Variants in TFDP2 observed in about 807,000 individuals in gnomAD.
The protein encoded by TFDP2 is transcription factor Dp-2, also known as transcription factor Dp-2 (E2F dimerization partner 2).
Under a neutral mutation model 59.3 loss-of-function variants are expected in TFDP2, and 17 were observed. That is an observed-to-expected ratio of 0.29 (90% confidence interval 0.20 to 0.43). The LOEUF is 0.43. Among genes scored for constraint, TFDP2 ranks in the 20% least tolerant of loss-of-function variants. The pLI is 1.00. For missense variants in TFDP2, 391 were observed against 528.8 expected, an observed-to-expected ratio of 0.74 and a Z score of 2.56; for synonymous variants, 180 against 194.7, an observed-to-expected ratio of 0.92 and a Z score of 0.63.
intron 7 of TFDP2, among the ~76,000 whole-genome samples, chr3:141,975,377 G>T (rs1940471659): frequency 6.6e-6 from 1 of 152,038 alleles, no homozygotes; most frequent in Non-Finnish European, 1.5e-5. Context: ...TTAAGTTATA[G>T]AACTGAATGT....
chr3:141,975,781 G>A (rs1434949761), intron 7 of TFDP2, among the ~76,000 whole-genome samples: 1 of 152,008 alleles, frequency 6.6e-6, no homozygotes, highest in African/African-American at 2.4e-5. Flanking sequence ...TGATAGGTAT[G>A]CCAATTTCCT....
At chr3:142,051,214 C>T (rs961471049) in intron 3 of TFDP2, among the ~76,000 whole-genome samples, 1 of 152,136 alleles carries the variant, frequency 6.6e-6, no homozygotes, top group African/African-American at 2.4e-5. Flanking sequence ...CAGGGGCAAC[C>T]TTCCTGCCTA....
chr3:142,049,877 A>G (rs1947522917), intron 3 of TFDP2, among the ~76,000 whole-genome samples: 1 of 152,212 alleles, frequency 6.6e-6, no homozygotes, highest in South Asian at 2.1e-4. Context: ...TTAGGGATAA[A>G]TCTAACAAAA....
At chr3:142,067,231 C>T (rs1705619) in intron 3 of TFDP2, among the ~76,000 whole-genome samples, 135,413 of 152,084 alleles carry the variant, frequency 0.89, 60,545 homozygotes, top group African/African-American at 0.97. Flanking sequence ...ATACCTCTTA[C>T]AATCAAAAAC....
intron 3 of TFDP2, among the ~76,000 whole-genome samples, chr3:142,054,510 TA>T (rs1394381874): frequency 7.9e-5 from 12 of 152,208 alleles, no homozygotes; most frequent in Non-Finnish European, 1.5e-5. Flanking sequence ...CAGTTCTCCT[TA>T]AATCAACTAT....
intron 9 of TFDP2, among the ~76,000 whole-genome samples, chr3:141,964,241 C>T (rs1309620836): frequency 6.6e-6 from 1 of 152,066 alleles, no homozygotes; most frequent in African/African-American, 2.4e-5. Context: ...AAGGGTGATA[C>T]CATTTATCTA....
At chr3:142,007,665 G>A (rs986543528) in intron 3 of TFDP2, among the ~76,000 whole-genome samples, 10 of 152,072 alleles carry the variant, frequency 6.6e-5, no homozygotes, top group African/African-American at 2.4e-4. Flanking sequence ...GGGAGCCTTG[G>A]GCTTGTTTTC....
chr3:142,018,321 GA>G (rs1341434333), intron 3 of TFDP2, among the ~76,000 whole-genome samples: 3 of 152,054 alleles, frequency 2.0e-5, no homozygotes, highest in African/African-American at 7.2e-5. Flanking sequence ...CTGAGTAATG[GA>G]AAAGTTTTAG....
chr3:142,085,462 T>C (rs566841832), intron 3 of TFDP2, among the ~76,000 whole-genome samples: 158 of 152,240 alleles, frequency 1.0e-3, no homozygotes, highest in African/African-American at 3.7e-3. Flanking sequence ...GAAATAAATA[T>C]GATTATAACC....
At chr3:141,968,446 T>C (rs113188200) in intron 9 of TFDP2, among the ~76,000 whole-genome samples, 1 of 115,444 alleles carries the variant, frequency 8.7e-6, no homozygotes, top group South Asian at 2.4e-4. Context: ...ATATATAACA[T>C]ATATATCTCA....
chr3:141,983,551 T>A (rs1291053763), intron 6 of TFDP2, among the ~76,000 whole-genome samples: 2 of 149,108 alleles, frequency 1.3e-5, no homozygotes, highest in Admixed American at 1.4e-4. Context: ...GGCATGAGAA[T>A]CACTTGAACC....
intron 4 of TFDP2, 124 bp downstream of exon 4, chr3:142,005,317 G>A (rs961881401): frequency 4.3e-5 from 31 of 714,426 alleles, no homozygotes; most frequent in Non-Finnish European, 6.9e-5. Context: ...GGGATTACAG[G>A]AGTGAGCCAC....
At chr3:142,079,879 A>G (rs1015443253) in intron 3 of TFDP2, among the ~76,000 whole-genome samples, 1 of 152,264 alleles carries the variant, frequency 6.6e-6, no homozygotes, top group African/African-American at 2.4e-5. Context: ...GACCTGTTCT[A>G]CAAGAAATTC....
At chr3:142,114,485 C>T (rs1014876766) in intron 1 of TFDP2, among the ~76,000 whole-genome samples, 21 of 152,110 alleles carry the variant, frequency 1.4e-4, no homozygotes, top group Admixed American at 1.1e-3. Flanking sequence ...ATACGCTCCT[C>T]ATCCACTTTA....
chr3:141,990,983 A>G (rs183321505), intron 6 of TFDP2, among the ~76,000 whole-genome samples: 6 of 151,738 alleles, frequency 4.0e-5, no homozygotes, highest in Non-Finnish European at 8.8e-5. Context: ...ACTTGAGCCC[A>G]GGAAGCGTAA....
At chr3:142,044,713 G>C (rs1947240896) in intron 3 of TFDP2, among the ~76,000 whole-genome samples, 1 of 152,110 alleles carries the variant, frequency 6.6e-6, no homozygotes, top group African/African-American at 2.4e-5. Context: ...AGAGTACAAA[G>C]GATGATCCAA....
chr3:142,119,597 C>G (rs765177426), intron 1 of TFDP2, among the ~76,000 whole-genome samples: 66 of 152,164 alleles, frequency 4.3e-4, no homozygotes, highest in Non-Finnish European at 8.1e-4. Flanking sequence ...ATTAAAGTAG[C>G]TGGGTGTGGT....
intron 3 of TFDP2, among the ~76,000 whole-genome samples, chr3:142,068,263 T>C (rs1450071988): frequency 6.6e-6 from 1 of 152,174 alleles, no homozygotes; most frequent in Non-Finnish European, 1.5e-5. Context: ...TCTTTATACC[T>C]GTCATAAAAA....
chr3:142,109,016 T>C (rs772481015), intron 1 of TFDP2, among the ~76,000 whole-genome samples: 6 of 152,198 alleles, frequency 3.9e-5, no homozygotes, highest in Non-Finnish European at 5.9e-5. Flanking sequence ...TCCTACTTTC[T>C]CCTTTAATAG....
Sources: gnomAD v4.1 joint callset for allele counts (sites outside exome capture counted in the v4.1 genomes callset) on GRCh38, gnomAD v4.1.1 for gene constraint, MANE v1.5 for transcripts, NCBI Gene and HGNC (gene_info 2026-07-23, HGNC 2026-07-21) for gene names.